The following XKR9 variants were observed in gnomAD, a reference collection of about 807,000 sequenced individuals.
The protein encoded by XKR9 is XK-related protein 9.
XKR9 carries 32 observed loss-of-function variants against 32.0 expected under a neutral mutation model. That is an observed-to-expected ratio of 1.00 (90% CI 0.76 to 1.34). The LOEUF is 1.34. Among genes scored for constraint, XKR9 ranks in the 40% most tolerant of loss-of-function variants. The pLI is 0.00. For missense variants in XKR9, 546 were observed against 429.7 expected (o/e 1.27, Z -2.39); for synonymous variants, 168 against 143.4 (o/e 1.17, Z -1.22).
At chr8:70,855,203 CGA>C in the XKR9 span, among the ~76,000 whole-genome samples, 1 of 151,662 alleles carries the variant, frequency 6.6e-6, no homozygotes, top group African/African-American at 2.4e-5. Context: ...AAGTTTGAAC[CGA>C]TGGCAAAGAA....
rs1202352269 is a variant in XKR9, at chr8:70,735,294, T to G, written c.*870T>G. ...AGTCTCTCTCAACTGAAATTATAAT[T>G]TTTTGTTTCTATGAGTTTGAATACT... On this transcript the variant is annotated 3_prime_UTR_variant, in exon 5 of 5. Coordinates refer to ENST00000408926, the MANE Select transcript of XKR9 (RefSeq NM_001011720.2). The G allele has an allele frequency of 6.6e-6, 1 of 151,878 alleles. No homozygotes were observed. The highest frequency in any genetic ancestry group is 1.5e-5 in the Non-Finnish European group (1 of 67,970). 9.4% of individuals were successfully genotyped at this position (151,878 alleles called of 1,614,324 possible).
chr8:70,907,258 A>G, the XKR9 span, among the ~76,000 whole-genome samples: 45 of 152,280 alleles, frequency 3.0e-4, no homozygotes, highest in Middle Eastern at 3.4e-3. Context: ...ACTAATAGAT[A>G]TTTTCTCAGA....
chr8:70,899,159 A>C, the XKR9 span, among the ~76,000 whole-genome samples: 1 of 152,010 alleles, frequency 6.6e-6, no homozygotes, highest in Admixed American at 6.6e-5. Context: ...GTGGCTTCCA[A>C]GATTAAAAAA....
the XKR9 span, among the ~76,000 whole-genome samples, chr8:70,898,490 GT>G: frequency 6.6e-6 from 1 of 152,028 alleles, no homozygotes; most frequent in East Asian, 1.9e-4. Context: ...GTTGTATAGA[GT>G]TTTACCCTGC....
chr8:70,922,041 G>A, the XKR9 span, among the ~76,000 whole-genome samples: 1 of 152,128 alleles, frequency 6.6e-6, no homozygotes, highest in Admixed American at 6.5e-5. Context: ...AGCAGGTAGT[G>A]GGTATAGAGA....
the XKR9 span, among the ~76,000 whole-genome samples, chr8:70,865,746 G>T: frequency 6.6e-6 from 1 of 152,146 alleles, no homozygotes; most frequent in African/African-American, 2.4e-5. Context: ...AAGTTACTTT[G>T]CATTCATCAT....
chr8:70,696,026 GTTGT>G (rs1288973870), intron 3 of XKR9, among the ~76,000 whole-genome samples: 1 of 151,370 alleles, frequency 6.6e-6, no homozygotes, highest in Admixed American at 6.6e-5. Context: ...TTTTGATGGG[GTTGT>G]TTTTTTTTTT....
At chr8:70,715,658 A>C (rs987055956) in intron 4 of XKR9, among the ~76,000 whole-genome samples, 2 of 152,186 alleles carry the variant, frequency 1.3e-5, no homozygotes, top group Non-Finnish European at 2.9e-5. Context: ...GCTCACATCA[A>C]GCACATCATT....
At chr8:71,000,111 C>G in the XKR9 span, among the ~76,000 whole-genome samples, 1 of 152,140 alleles carries the variant, frequency 6.6e-6, no homozygotes, top group Admixed American at 6.5e-5. Context: ...TGTTTCACAT[C>G]AAATTAGACA....
intron 2 of XKR9, among the ~76,000 whole-genome samples, chr8:70,742,554 T>C (rs1406389063): frequency 6.6e-6 from 1 of 152,230 alleles, no homozygotes; most frequent in East Asian, 1.9e-4. Flanking sequence ...GATAATTTGT[T>C]ATAGTTTTTT....
the XKR9 span, among the ~76,000 whole-genome samples, chr8:70,828,759 G>T: frequency 6.6e-6 from 1 of 151,724 alleles, no homozygotes; most frequent in African/African-American, 2.4e-5. Context: ...AAGACTGGTG[G>T]GAAGAAAAGA....
At chr8:70,902,424 G>C in the XKR9 span, among the ~76,000 whole-genome samples, 4 of 152,198 alleles carry the variant, frequency 2.6e-5, no homozygotes, top group African/African-American at 9.6e-5. Flanking sequence ...AATTGTGAAT[G>C]GGAGTTCACT....
chr8:70,776,784 T>C (rs1807526101), intron 2 of XKR9, among the ~76,000 whole-genome samples: 2 of 151,796 alleles, frequency 1.3e-5, no homozygotes, highest in African/African-American at 4.8e-5. Context: ...TCCTGCCACC[T>C]TAAATTAAGA....
At chr8:70,927,064 A>G in the XKR9 span, among the ~76,000 whole-genome samples, 17 of 151,772 alleles carry the variant, frequency 1.1e-4, no homozygotes, top group Middle Eastern at 6.8e-3. Flanking sequence ...ATTTTATAAA[A>G]TGTATCTTAT....
At chr8:70,753,401 C>A (rs1210977732) in intron 2 of XKR9, among the ~76,000 whole-genome samples, 1 of 151,916 alleles carries the variant, frequency 6.6e-6, no homozygotes, top group Non-Finnish European at 1.5e-5. Context: ...GGGAATCCTC[C>A]CTAACTCATT....
the XKR9 span, among the ~76,000 whole-genome samples, chr8:70,862,854 T>C: frequency 6.6e-6 from 1 of 152,034 alleles, no homozygotes; most frequent in Non-Finnish European, 1.5e-5. Context: ...GAAAGTATAT[T>C]AGGAGAGAAT....
chr8:70,934,788 T>C, the XKR9 span, among the ~76,000 whole-genome samples: 1 of 151,998 alleles, frequency 6.6e-6, no homozygotes, highest in Non-Finnish European at 1.5e-5. Context: ...TCCAACTTGA[T>C]GTAACTCGTT....
intron 4 of XKR9, among the ~76,000 whole-genome samples, chr8:70,709,493 G>A (rs558968725): frequency 5.3e-5 from 8 of 152,148 alleles, no homozygotes; most frequent in Non-Finnish European, 7.4e-5. Context: ...ATTCGAATAG[G>A]AAGAGATGAA....
chr8:70,825,883 A>C, the XKR9 span, among the ~76,000 whole-genome samples: 1 of 152,026 alleles, frequency 6.6e-6, no homozygotes. Flanking sequence ...AATGCCAAAA[A>C]ATGGAATTTT....
Sources: allele counts gnomAD v4.1 joint callset (sites outside exome capture counted in the v4.1 genomes callset), GRCh38; gene constraint gnomAD v4.1.1; transcripts MANE v1.5; gene names NCBI Gene and HGNC (gene_info 2026-07-23, HGNC 2026-07-21).